Variants in PTPRN2 observed in about 807,000 individuals in gnomAD.
PTPRN2 encodes the protein protein tyrosine phosphatase receptor type N2.
In PTPRN2, 74 loss-of-function variants were observed where a neutral mutation model predicts 118.8. The observed-to-expected ratio is 0.62, with a 90% CI of 0.52 to 0.76. The LOEUF is 0.76. PTPRN2 is among the 30% of genes least tolerant of loss of function. PTPRN2 has a pLI of 0.00. For synonymous variants in PTPRN2, 641 were observed against 608.0 expected, an observed-to-expected ratio of 1.05 and a Z score of -0.80; for missense variants, 1,481 against 1,394.4, an observed-to-expected ratio of 1.06 and a Z score of -0.99.
intron 11 of PTPRN2, among the ~76,000 whole-genome samples, chr7:158,040,370 C>T (rs577738967): frequency 1.3e-5 from 2 of 151,566 alleles, no homozygotes; most frequent in East Asian, 3.9e-4. Flanking sequence ...CATGCACACA[C>T]ACACGTGCAT....
Position 157,539,157 on chromosome 7 carries a change from T to C in PTPRN2, c.*1557A>G, listed in dbSNP as rs1797897692. 1 of 152,246 alleles carries C rather than the reference T, an allele frequency of 6.6e-6. No homozygotes were observed. Among genetic ancestry groups the C allele is most frequent in the South Asian group, 2.1e-4 (1 of 4,832 alleles). The allele number at this position is 152,246 out of a possible 1,614,324, so 9.4% of individuals were successfully genotyped here. A position where few individuals can be genotyped will look rare whatever the true frequency, so the allele number is the denominator to read the frequency against. ...AGGAGTTAGAAATTACAAGTAGGCA[T>C]ATGCTTCCTATATTCAGATAAATTC... On this transcript the variant is annotated 3_prime_UTR_variant, in exon 23 of 23. Coordinates refer to ENST00000389418, the MANE Select transcript of PTPRN2 (RefSeq NM_002847.5).
At chr7:158,480,901 A>G (rs1298050334) in intron 2 of PTPRN2, among the ~76,000 whole-genome samples, 5 of 152,262 alleles carry the variant, frequency 3.3e-5, no homozygotes, top group East Asian at 1.9e-4. Flanking sequence ...TCTCCATAAC[A>G]TAACAGTGTA....
intron 3 of PTPRN2, among the ~76,000 whole-genome samples, chr7:158,270,649 C>T (rs1053335223): frequency 9.2e-5 from 14 of 152,050 alleles, no homozygotes; most frequent in Non-Finnish European, 1.9e-4. Flanking sequence ...TGCAGAAGGG[C>T]CAACCCCTTT....
At position 158,397,818 on chromosome 7, in the gene PTPRN2, C is replaced by G. The variant is rs117421398; in HGVS notation, c.164-80886G>C. 3.3e-3 allele frequency among the ~76,000 whole-genome samples: 495 copies of G among 152,290 alleles called. 2 individuals carry two copies. Among genetic ancestry groups the G allele is most frequent in the Admixed American group, 5.3e-3 (81 of 15,300 alleles). On this transcript the variant is annotated intron_variant, in intron 2 of 22. Coordinates refer to ENST00000389418, the MANE Select transcript of PTPRN2 (RefSeq NM_002847.5). Reference sequence around the variant, plus strand: ...CAGTGAATAAAAACAGCTACATGCACACACAACTGTGCAAAGCAAAACAAA... The same window carrying G: ...CAGTGAATAAAAACAGCTACATGCAGACACAACTGTGCAAAGCAAAACAAA...
intron 9 of PTPRN2, among the ~76,000 whole-genome samples, chr7:158,112,395 T>C (rs1294562029): frequency 6.6e-6 from 1 of 152,084 alleles, no homozygotes; most frequent in African/African-American, 2.4e-5. Flanking sequence ...CGGTGCCACA[T>C]GGTGAGGAGG....
rs1447382836 is a variant in PTPRN2 at position 158,285,521 on chromosome 7, G to A, written c.277+31298C>T. ...TGCTCCTGCAGGCGGGCCCCAGGAG[G>A]CTGGACCTGCTCTTGCCTGGGTACA... On this transcript the variant is annotated intron_variant, in intron 3 of 22. Coordinates refer to ENST00000389418, the MANE Select transcript of PTPRN2 (RefSeq NM_002847.5). Among the ~76,000 whole-genome samples, 3 of 152,176 alleles carry A rather than the reference G, an allele frequency of 2.0e-5. No individual in the cohort carries two copies. The East Asian group carries it at 5.8e-4, about 29-fold the overall frequency.
At chr7:157,644,233 C>T (rs931354810) in intron 14 of PTPRN2, among the ~76,000 whole-genome samples, 11 of 152,224 alleles carry the variant, frequency 7.2e-5, no homozygotes, top group African/African-American at 2.7e-4. Flanking sequence ...GCAGGATGTG[C>T]TCCCACAGAC....
intron 1 of PTPRN2, among the ~76,000 whole-genome samples, chr7:158,504,358 C>T (rs150664727): frequency 4.6e-5 from 7 of 152,280 alleles, no homozygotes; most frequent in Non-Finnish European, 8.8e-5. Context: ...TGCCCACCCC[C>T]ACAACAGGTG....
intron 12 of PTPRN2, among the ~76,000 whole-genome samples, chr7:157,800,634 G>C (rs548122518): frequency 8.2e-4 from 124 of 151,660 alleles, no homozygotes; most frequent in African/African-American, 3.0e-3. Flanking sequence ...AAAGAAAGAG[G>C]TTCTTTGCTT....
chr7:157,756,404 C>T (rs1396339074), intron 12 of PTPRN2, among the ~76,000 whole-genome samples: 1 of 151,804 alleles, frequency 6.6e-6, no homozygotes, highest in African/African-American at 2.4e-5. Flanking sequence ...AAGTGATTCT[C>T]CTGCCTCAGC....
intron 2 of PTPRN2, among the ~76,000 whole-genome samples, chr7:158,441,118 T>G (rs1260638099): frequency 6.7e-6 from 1 of 149,486 alleles, no homozygotes; most frequent in South Asian, 2.1e-4. Context: ...ATGGTGATGG[T>G]GATAGTGGTG....
At chr7:157,556,339 G>A (rs562051484) in intron 21 of PTPRN2, among the ~76,000 whole-genome samples, 6 of 111,004 alleles carry the variant, frequency 5.4e-5, no homozygotes, top group East Asian at 2.8e-4. Context: ...TCACACTCAC[G>A]TCATACATAT....
In PTPRN2 at chr7:158,133,283, T is replaced by C. The variant is rs541749845; in HGVS notation, c.1556+394A>G. ...CCATCCCGCATTCCCGCGCGGGCCG[T>C]GCTCAGGCTTTGCTGTACACTTACC... On this transcript the variant is annotated intron_variant, in intron 9 of 22. Coordinates refer to ENST00000389418, the MANE Select transcript of PTPRN2 (RefSeq NM_002847.5). Among the ~76,000 whole-genome samples, 8 of 152,316 alleles carry C rather than the reference T, an allele frequency of 5.3e-5. No individual in the cohort carries two copies. The East Asian group carries it at 1.4e-3, about 26-fold the overall frequency.
At position 157,929,533 on chromosome 7, in the gene PTPRN2, T is replaced by C. The variant is rs779197021; in HGVS notation, c.1724-30796A>G. Among the ~76,000 whole-genome samples the C allele has an allele frequency of 1.3e-5, 2 of 152,068 alleles. No homozygotes were observed. Among genetic ancestry groups the C allele is most frequent in the Non-Finnish European group, 2.9e-5 (2 of 68,020 alleles). ...CTGGCAGCCCAACAGAGGCTGGTCATAGTTTTTGCCCTGGAATTCCCCTCC... is the reference window on the plus strand; with the variant it reads ...CTGGCAGCCCAACAGAGGCTGGTCACAGTTTTTGCCCTGGAATTCCCCTCC... On this transcript the variant is annotated intron_variant, in intron 11 of 22. Coordinates refer to ENST00000389418, the MANE Select transcript of PTPRN2 (RefSeq NM_002847.5). The surrounding 1 kb of genome is among the most constrained non-coding windows in gnomAD (Gnocchi z 4.4).
chr7:157,792,543 CG>C (rs1804578555), intron 12 of PTPRN2, among the ~76,000 whole-genome samples: 2 of 152,222 alleles, frequency 1.3e-5, no homozygotes, highest in Admixed American at 1.3e-4. Flanking sequence ...GGCTCCTGCA[CG>C]TCCAGGGCAT....
chr7:158,241,570 A>G (rs761707635), intron 3 of PTPRN2, among the ~76,000 whole-genome samples: 5 of 152,114 alleles, frequency 3.3e-5, no homozygotes, highest in Non-Finnish European at 5.9e-5. Context: ...AAAATCCTTC[A>G]CTTCCCCTGA....
At chr7:157,586,331 C>T (rs1800673794) in intron 17 of PTPRN2, among the ~76,000 whole-genome samples, 1 of 152,220 alleles carries the variant, frequency 6.6e-6, no homozygotes, top group African/African-American at 2.4e-5. Context: ...ACTCTCCCTT[C>T]ACTCCAGAGT....
rs1317752033 is a variant in PTPRN2 at position 157,953,123 on chromosome 7, C to T, written c.1724-54386G>A. 4.6e-5 allele frequency among the ~76,000 whole-genome samples: 7 copies of T among 152,122 alleles called. No individual in the cohort carries two copies. In the East Asian group the frequency reaches 5.8e-4, roughly 13 times the overall value. On this transcript the variant is annotated intron_variant, in intron 11 of 22. Transcript: ENST00000389418. The surrounding 1 kb of genome is among the most constrained non-coding windows in gnomAD (Gnocchi z 4.6). Reference sequence around the variant, plus strand: ...GACCCACGGGGTGAGCCCTCTGGCTCGAGAAGTCCTCAGCGACATCTGGGG... The same window carrying T: ...GACCCACGGGGTGAGCCCTCTGGCTTGAGAAGTCCTCAGCGACATCTGGGG...
intron 1 of PTPRN2, among the ~76,000 whole-genome samples, chr7:158,539,018 C>T (rs890929983): frequency 6.6e-6 from 1 of 152,186 alleles, no homozygotes; most frequent in Non-Finnish European, 1.5e-5. Context: ...TTTCCCTTCA[C>T]CCCTCAGCGC....
Sources: allele counts gnomAD v4.1 joint callset (sites outside exome capture counted in the v4.1 genomes callset), GRCh38; gene constraint gnomAD v4.1.1; non-coding constraint Gnocchi (gnomAD v3.1); transcripts MANE v1.5; gene names NCBI Gene and HGNC (gene_info 2026-07-23, HGNC 2026-07-21).